ZMAT4: variants seen among roughly 807,000 people sequenced by gnomAD.
ZMAT4 encodes the protein zinc finger matrin-type 4.
A neutral mutation model predicts 28.7 loss-of-function variants in ZMAT4; 17 were observed. The observed-to-expected ratio is 0.59, with a 90% confidence interval of 0.41 to 0.89. The LOEUF (loss-of-function observed/expected upper bound fraction) is 0.89. Among genes scored for constraint, ZMAT4 ranks in the 40% least tolerant of loss-of-function variants. The pLI is 0.00. For synonymous variants in ZMAT4, 117 were observed against 109.2 expected, an observed-to-expected ratio of 1.07 and a Z score of -0.44; for missense variants, 240 against 283.8, an observed-to-expected ratio of 0.85 and a Z score of 1.11.
chr8:40,725,831 A>G (rs1811295622), intron 3 of ZMAT4, among the ~76,000 whole-genome samples: 1 of 152,222 alleles, frequency 6.6e-6, no homozygotes, highest in African/African-American at 2.4e-5. Context: ...CAGAGACAGC[A>G]TTGCATTTAA....
chr8:40,730,209 T>C (rs1811478287), intron 3 of ZMAT4, among the ~76,000 whole-genome samples: 1 of 152,172 alleles, frequency 6.6e-6, no homozygotes, highest in African/African-American at 2.4e-5. Context: ...CCTTTAAATG[T>C]TGGCACCCTA....
At chr8:40,885,376 TC>T (rs1369559345) in intron 1 of ZMAT4, among the ~76,000 whole-genome samples, 1 of 151,832 alleles carries the variant, frequency 6.6e-6, no homozygotes, top group African/African-American at 2.4e-5. Flanking sequence ...TCCCTCTCCC[TC>T]CCCGCTGTTA....
At chr8:40,656,742 C>G (rs1440729824) in intron 5 of ZMAT4, among the ~76,000 whole-genome samples, 3 of 151,902 alleles carry the variant, frequency 2.0e-5, no homozygotes, top group African/African-American at 7.3e-5. Flanking sequence ...AACCTCTACC[C>G]CATAAATATG....
chr8:40,612,194 A>T (rs1275680308), intron 5 of ZMAT4, among the ~76,000 whole-genome samples: 1 of 152,216 alleles, frequency 6.6e-6, no homozygotes, highest in African/African-American at 2.4e-5. Flanking sequence ...ATTATATATT[A>T]TGAACACTCA....
chr8:40,695,452 C>T (rs72639683), intron 4 of ZMAT4, among the ~76,000 whole-genome samples: 35 of 152,336 alleles, frequency 2.3e-4, no homozygotes, highest in African/African-American at 3.4e-4. Context: ...GGGGAGCTGG[C>T]GCAAGGCAGG....
intron 1 of ZMAT4, among the ~76,000 whole-genome samples, chr8:40,895,955 G>A (rs948026468): frequency 6.6e-6 from 1 of 152,130 alleles, no homozygotes; most frequent in Non-Finnish European, 1.5e-5. Flanking sequence ...TTCAGCTTCC[G>A]CTCCAGGCCC....
intron 5 of ZMAT4, among the ~76,000 whole-genome samples, chr8:40,589,971 C>CCCTTCCTTCCTTCCTTCCTTCCTT (rs1217316034): frequency 3.5e-5 from 1 of 28,828 alleles, no homozygotes; most frequent in African/African-American, 1.7e-4. Flanking sequence ...TTCCCTCCCT[C>CCCTTCCTTCCTTCCTTCCTTCCTT]CCTTCCTTCC....
intron 1 of ZMAT4, among the ~76,000 whole-genome samples, chr8:40,895,577 C>T (rs1002830403): frequency 1.3e-5 from 2 of 152,138 alleles, no homozygotes; most frequent in African/African-American, 4.8e-5. Context: ...GGAAGGAAAG[C>T]GAGCGCTCCA....
rs143754906 is a variant in ZMAT4 at position 40,625,579 on chromosome 8, A to G, written c.578-44318T>C. ...TTAGAGGGAAAGAAAGGAACTGATC[A>G]TCACTTACACAGCTTTGGGCAAAAG... On this transcript the variant is annotated intron_variant, in intron 5 of 6. Coordinates refer to ENST00000297737, the MANE Select transcript of ZMAT4 (RefSeq NM_024645.3). 1.3e-3 allele frequency among the ~76,000 whole-genome samples: 204 copies of G among 152,276 alleles called. 1 individual carries two copies. Among genetic ancestry groups the G allele is most frequent in the African/African-American group, 4.8e-3 (201 of 41,566 alleles).
chr8:40,722,307 G>A (rs1312457599), intron 3 of ZMAT4, among the ~76,000 whole-genome samples: 1 of 152,220 alleles, frequency 6.6e-6, no homozygotes, highest in African/African-American at 2.4e-5. Flanking sequence ...GCTTTAAGGT[G>A]ACACTGAGGG....
chr8:40,685,286 T>C (rs1809352254), intron 4 of ZMAT4, among the ~76,000 whole-genome samples: 1 of 152,110 alleles, frequency 6.6e-6, no homozygotes, highest in African/African-American at 2.4e-5. Context: ...GAAGGTACCC[T>C]AGTCCCTGAG....
At chr8:40,775,383 C>T (rs1049146725) in intron 2 of ZMAT4, among the ~76,000 whole-genome samples, 7 of 152,198 alleles carry the variant, frequency 4.6e-5, no homozygotes, top group African/African-American at 1.2e-4. Context: ...TAGTCCTAAG[C>T]GGCATTGCCC....
At chr8:40,532,299 T>C (rs1802714386) in intron 6 of ZMAT4, 61 bp from the exon 7 acceptor site, 1 of 1,493,344 alleles carries the variant, frequency 6.7e-7, no homozygotes, top group East Asian at 2.4e-5. Context: ...CCAACACCTC[T>C]TTCTCCCCCC....
intron 5 of ZMAT4, among the ~76,000 whole-genome samples, chr8:40,617,085 A>T (rs942134614): frequency 6.6e-6 from 1 of 152,144 alleles, no homozygotes; most frequent in Non-Finnish European, 1.5e-5. Context: ...ATGATGTCAC[A>T]ATGTGATATC....
chr8:40,667,901 A>G (rs1328061745), intron 5 of ZMAT4, among the ~76,000 whole-genome samples: 2 of 152,058 alleles, frequency 1.3e-5, no homozygotes, highest in Non-Finnish European at 2.9e-5. Flanking sequence ...TGCTATAGCT[A>G]CATCAGCAGG....
chr8:40,725,073 C>T (rs1811264619), intron 3 of ZMAT4, among the ~76,000 whole-genome samples: 1 of 152,164 alleles, frequency 6.6e-6, no homozygotes. Flanking sequence ...CTATGGAACG[C>T]CTGCCTACTT....
intron 3 of ZMAT4, among the ~76,000 whole-genome samples, chr8:40,701,200 G>A (rs1350186700): frequency 3.3e-5 from 5 of 152,122 alleles, no homozygotes; most frequent in Admixed American, 3.3e-4. Flanking sequence ...CTAGATTTCT[G>A]CTCTCCTGAG....
intron 1 of ZMAT4, among the ~76,000 whole-genome samples, chr8:40,828,263 G>A (rs1816150138): frequency 6.6e-6 from 1 of 152,130 alleles, no homozygotes; most frequent in Admixed American, 6.6e-5. Flanking sequence ...AACTTACTAA[G>A]GTATATTTTT....
At chr8:40,780,014 T>G (rs1813764902) in intron 2 of ZMAT4, among the ~76,000 whole-genome samples, 1 of 152,054 alleles carries the variant, frequency 6.6e-6, no homozygotes, top group African/African-American at 2.4e-5. Context: ...TCTCAGAATC[T>G]TATCTTTCCC....
Sources: allele counts gnomAD v4.1 joint callset (sites outside exome capture counted in the v4.1 genomes callset), GRCh38; gene constraint gnomAD v4.1.1; transcripts MANE v1.5; gene names NCBI Gene and HGNC (gene_info 2026-07-23, HGNC 2026-07-21).